The following GPC6 variants were observed in gnomAD, a reference collection of about 807,000 sequenced individuals.
GPC6 encodes glypican 6.
GPC6 carries 14 observed loss-of-function variants against 55.2 expected under a neutral mutation model. The ratio of observed to expected loss-of-function variants is 0.25; its 90% confidence interval spans 0.17 to 0.40. The LOEUF (loss-of-function observed/expected upper bound fraction) is 0.40, where lower values mean the gene tolerates loss of function less well. Ranked by LOEUF, GPC6 falls within the 10% of genes least tolerant of loss-of-function variation. The probability of loss-of-function intolerance (pLI) is 1.00; values close to 1 mark genes in which losing one functional copy is unlikely to be tolerated. For synonymous variants in GPC6, 278 were observed against 259.6 expected, an observed-to-expected ratio of 1.07 and a Z score of -0.68; for missense variants, 641 against 708.5, an observed-to-expected ratio of 0.90 and a Z score of 1.08.
chr13:93,290,597 C>G (rs986637705), intron 1 of GPC6, among the ~76,000 whole-genome samples: 3 of 152,066 alleles, frequency 2.0e-5, no homozygotes, highest in Admixed American at 1.3e-4. Context: ...AATCCCCTTC[C>G]CCTCCCCATT....
At position 93,870,080 on chromosome 13, in the gene GPC6, C is replaced by T. The variant is rs188793420; in HGVS notation, c.711+39535C>T. 3.2e-3 allele frequency among the ~76,000 whole-genome samples: 490 copies of T among 151,962 alleles called. 3 individuals carry two copies. The highest frequency in any genetic ancestry group is 5.4e-3 in the South Asian group (26 of 4,818). On this transcript the variant is annotated intron_variant, in intron 3 of 8. Coordinates refer to ENST00000377047, the MANE Select transcript of GPC6 (RefSeq NM_005708.5). ...GATTCAGGATTTGAATCCTTAACTG[C>T]CTCCCAAGTGAAGCACCCTGACTTT...
At chr13:93,336,299 C>T (rs1391142957) in intron 1 of GPC6, among the ~76,000 whole-genome samples, 1 of 152,168 alleles carries the variant, frequency 6.6e-6, no homozygotes, top group Non-Finnish European at 1.5e-5. Context: ...TTGGATGAGA[C>T]TTTCTTCCAC....
intron 1 of GPC6, among the ~76,000 whole-genome samples, chr13:93,313,241 A>T (rs9589709): frequency 0.2 from 29,846 of 152,136 alleles, 3,782 homozygotes; most frequent in African/African-American, 0.35. Flanking sequence ...ACAAACAACA[A>T]CTAAGAACTA....
chr13:93,402,327 A>C (rs746887148), intron 1 of GPC6, among the ~76,000 whole-genome samples: 19 of 152,170 alleles, frequency 1.2e-4, no homozygotes, highest in Non-Finnish European at 2.4e-4. Flanking sequence ...GCAATGCAGG[A>C]GAGAGAGCAC....
chr13:93,392,172 A>T (rs1303376109), intron 1 of GPC6, among the ~76,000 whole-genome samples: 2 of 152,186 alleles, frequency 1.3e-5, no homozygotes, highest in Non-Finnish European at 2.9e-5. Flanking sequence ...TAAGCTGATA[A>T]CTAAATGTCT....
At chr13:93,248,152 A>T (rs1876664977) in intron 1 of GPC6, among the ~76,000 whole-genome samples, 1 of 152,216 alleles carries the variant, frequency 6.6e-6, no homozygotes, top group African/African-American at 2.4e-5. Context: ...AAAGGTTTCC[A>T]GTATAACAAA....
At chr13:93,811,934 GAA>G (rs1886705782) in intron 2 of GPC6, among the ~76,000 whole-genome samples, 1 of 152,088 alleles carries the variant, frequency 6.6e-6, no homozygotes, top group Non-Finnish European at 1.5e-5. Context: ...TGTTATAAGA[GAA>G]AGACATGAGG....
intron 3 of GPC6, among the ~76,000 whole-genome samples, chr13:93,984,894 T>A (rs1455860829): frequency 6.6e-6 from 1 of 152,172 alleles, no homozygotes; most frequent in East Asian, 1.9e-4. Context: ...TTTGAATAAT[T>A]ATATATAGTT....
intron 6 of GPC6, among the ~76,000 whole-genome samples, chr13:94,360,706 C>A (rs906437203): frequency 6.6e-6 from 1 of 152,160 alleles, no homozygotes; most frequent in African/African-American, 2.4e-5. Flanking sequence ...AGAGTGCTAT[C>A]CTCCTCCCCC....
intron 1 of GPC6, among the ~76,000 whole-genome samples, chr13:93,246,662 G>T (rs781078924): frequency 1.1e-4 from 16 of 151,642 alleles, no homozygotes; most frequent in Non-Finnish European, 2.1e-4. Context: ...GCCGGATGTG[G>T]TGGTGGGCAC....
intron 1 of GPC6, among the ~76,000 whole-genome samples, chr13:93,341,456 G>A (rs1880251510): frequency 6.6e-6 from 1 of 152,136 alleles, no homozygotes; most frequent in African/African-American, 2.4e-5. Context: ...CGAGTAAGGT[G>A]GTATCTCATT....
At chr13:94,257,374 G>T (rs1891537639) in intron 4 of GPC6, among the ~76,000 whole-genome samples, 1 of 152,124 alleles carries the variant, frequency 6.6e-6, no homozygotes, top group South Asian at 2.1e-4. Context: ...AGCAGGAGTG[G>T]GTAGATCAGA....
intron 4 of GPC6, among the ~76,000 whole-genome samples, chr13:94,092,709 GT>G (rs759613096): frequency 5.3e-5 from 8 of 152,210 alleles, no homozygotes; most frequent in South Asian, 2.1e-4. Flanking sequence ...CCTCCACACT[GT>G]TTTCTACAGT....
intron 1 of GPC6, among the ~76,000 whole-genome samples, chr13:93,299,275 A>G (rs1878597042): frequency 1.3e-5 from 2 of 152,230 alleles, no homozygotes; most frequent in African/African-American, 2.4e-5. Context: ...GATTCAATCA[A>G]TACAACCACT....
intron 7 of GPC6, among the ~76,000 whole-genome samples, chr13:94,384,587 G>T (rs1056802868): frequency 6.6e-6 from 1 of 152,168 alleles, no homozygotes; most frequent in African/African-American, 2.4e-5. Flanking sequence ...TAGGGGAAGA[G>T]ACTAAACACT....
intron 1 of GPC6, among the ~76,000 whole-genome samples, chr13:93,415,221 G>C (rs182467347): frequency 6.6e-6 from 1 of 151,918 alleles, no homozygotes; most frequent in Non-Finnish European, 1.5e-5. Context: ...TGAGGATTGC[G>C]GAAGCTGATA....
At chr13:93,656,154 G>A (rs1880654930) in intron 2 of GPC6, among the ~76,000 whole-genome samples, 1 of 152,062 alleles carries the variant, frequency 6.6e-6, no homozygotes, top group African/African-American at 2.4e-5. Context: ...AAATTAGCTA[G>A]TGAATTAGTT....
intron 2 of GPC6, among the ~76,000 whole-genome samples, chr13:93,608,221 T>G (rs895921543): frequency 1.3e-5 from 2 of 152,160 alleles, no homozygotes; most frequent in African/African-American, 2.4e-5. Context: ...ACTTTTTTTT[T>G]TTTACAGAAC....
chr13:94,099,524 T>A (rs147666725), intron 4 of GPC6, among the ~76,000 whole-genome samples: 225 of 152,336 alleles, frequency 1.5e-3, no homozygotes, highest in Non-Finnish European at 2.4e-3. Flanking sequence ...GACATTTTAC[T>A]TCAGGTAAAA....
Sources: allele counts gnomAD v4.1 joint callset (sites outside exome capture counted in the v4.1 genomes callset), GRCh38; gene constraint gnomAD v4.1.1; transcripts MANE v1.5; gene names NCBI Gene and HGNC (gene_info 2026-07-23, HGNC 2026-07-21).